The following EMSY variants were observed in gnomAD, a reference collection of about 807,000 sequenced individuals.
The protein encoded by EMSY is BRCA2-interacting transcriptional repressor EMSY.
Under a neutral mutation model 134.6 loss-of-function variants are expected in EMSY, and 26 were observed. The ratio of observed to expected loss-of-function variants is 0.19; its 90% confidence interval spans 0.14 to 0.27. EMSY has a LOEUF of 0.27. Ranked by LOEUF, EMSY falls within the 10% of genes least tolerant of loss-of-function variation. EMSY has a pLI of 1.00. For missense variants in EMSY, 1,305 were observed against 1,611.4 expected (o/e 0.81, Z 3.26); for synonymous variants, 579 against 577.8 (o/e 1.00, Z -0.03).
intron 9 of EMSY, among the ~76,000 whole-genome samples, chr11:76,504,666 G>A (rs1590920188): frequency 6.6e-6 from 1 of 152,260 alleles, no homozygotes; most frequent in Admixed American, 6.5e-5. Context: ...ATGATCCTGA[G>A]ATTCCACTCC....
chr11:76,487,124 C>CA (rs1949219839), intron 8 of EMSY, among the ~76,000 whole-genome samples: 1 of 152,196 alleles, frequency 6.6e-6, no homozygotes, highest in East Asian at 1.9e-4. Context: ...AAACAAAATA[C>CA]AAAAAATTAG....
chr11:76,505,782 G>C (rs572507815), intron 9 of EMSY, among the ~76,000 whole-genome samples: 24 of 152,000 alleles, frequency 1.6e-4, no homozygotes, highest in African/African-American at 5.3e-4. Flanking sequence ...GCGTGAACCC[G>C]GGGGGTGGAG....
At chr11:76,480,630 T>G (rs1948936406) in intron 8 of EMSY, among the ~76,000 whole-genome samples, 1 of 152,150 alleles carries the variant, frequency 6.6e-6, no homozygotes, top group Non-Finnish European at 1.5e-5. Context: ...GCTGGCAAGG[T>G]AGCCGAATAG....
chr11:76,464,773 T>A (rs1023396495), intron 7 of EMSY, among the ~76,000 whole-genome samples: 22 of 152,294 alleles, frequency 1.4e-4, no homozygotes, highest in African/African-American at 5.1e-4. Context: ...GGTGTATGGG[T>A]GGATGGAAAG....
chr11:76,455,944 C>T (rs1947855294), intron 4 of EMSY, among the ~76,000 whole-genome samples: 1 of 152,108 alleles, frequency 6.6e-6, no homozygotes. Flanking sequence ...GATACTGGGT[C>T]AGTTTCTGTG....
chr11:76,534,347 T>A (rs1322299357), intron 14 of EMSY, among the ~76,000 whole-genome samples: 1 of 152,200 alleles, frequency 6.6e-6, no homozygotes. Flanking sequence ...GAATAAAAGC[T>A]GCTCTGTGCT....
intron 7 of EMSY, among the ~76,000 whole-genome samples, chr11:76,464,299 A>G (rs1948261689): frequency 6.6e-6 from 1 of 152,236 alleles, no homozygotes; most frequent in East Asian, 1.9e-4. Context: ...CTTGCATAAT[A>G]TGACACAGCC....
At chr11:76,551,307 T>A (rs1951829835) in exon 21 of EMSY, 1 of 152,714 alleles carries the variant, frequency 6.5e-6, no homozygotes, top group African/African-American at 2.4e-5. Context: ...ACTATACTTT[T>A]CATTTTTAAA....
At chr11:76,551,298 CTA>C (rs1366947928) in exon 21 of EMSY, 2 of 152,596 alleles carry the variant, frequency 1.3e-5, no homozygotes, top group Non-Finnish European at 2.9e-5. Context: ...GCAAAGGAAA[CTA>C]TACTTTTCAT....
At chr11:76,486,849 G>A (rs563245823) in intron 8 of EMSY, among the ~76,000 whole-genome samples, 13 of 152,154 alleles carry the variant, frequency 8.5e-5, no homozygotes, top group Middle Eastern at 3.2e-3. Flanking sequence ...GCAGAAAAAA[G>A]TCCTATACAT....
intron 10 of EMSY, among the ~76,000 whole-genome samples, chr11:76,514,711 G>A (rs1226406158): frequency 3.9e-5 from 6 of 151,964 alleles, no homozygotes; most frequent in African/African-American, 7.3e-5. Context: ...TTCATCTTCC[G>A]AAACTGAAAC....
intron 8 of EMSY, among the ~76,000 whole-genome samples, chr11:76,482,335 C>T (rs1332897168): frequency 6.6e-6 from 1 of 152,130 alleles, no homozygotes; most frequent in African/African-American, 2.4e-5. Context: ...AACCAGAATG[C>T]CTCTTCTCCT....
chr11:76,469,083 G>A (rs751578641), intron 7 of EMSY, among the ~76,000 whole-genome samples: 6 of 152,092 alleles, frequency 3.9e-5, no homozygotes, highest in Non-Finnish European at 8.8e-5. Context: ...TCTCAAAATA[G>A]ATCTTATCAT....
At chr11:76,472,122 AC>A (rs1351032539) in intron 7 of EMSY, among the ~76,000 whole-genome samples, 22 of 152,076 alleles carry the variant, frequency 1.4e-4, no homozygotes, top group African/African-American at 5.1e-4. Context: ...TTTCTCTCCC[AC>A]TACTAAAATG....
intron 8 of EMSY, among the ~76,000 whole-genome samples, chr11:76,480,876 C>T (rs1328032226): frequency 6.6e-6 from 1 of 152,192 alleles, no homozygotes; most frequent in African/African-American, 2.4e-5. Flanking sequence ...AGGGACAGTG[C>T]ATTCAGGCCC....
At chr11:76,484,358 A>G (rs919794874) in intron 8 of EMSY, among the ~76,000 whole-genome samples, 7 of 152,226 alleles carry the variant, frequency 4.6e-5, no homozygotes, top group African/African-American at 1.4e-4. Flanking sequence ...AGCAAGAGCA[A>G]ACACATTCAA....
exon 21 of EMSY, chr11:76,551,130 A>C (rs17134964): frequency 6.5e-6 from 1 of 152,708 alleles, no homozygotes; most frequent in African/African-American, 2.4e-5. Flanking sequence ...AATGTATAAA[A>C]AGTTCATTTA....
intron 9 of EMSY, among the ~76,000 whole-genome samples, chr11:76,510,703 G>A (rs1950243930): frequency 6.6e-6 from 1 of 152,182 alleles, no homozygotes. Flanking sequence ...CATCCATACT[G>A]CTCTTGCCCA....
intron 2 of EMSY, 104 bp downstream of exon 2, chr11:76,447,112 G>C: frequency 9.2e-7 from 1 of 1,083,574 alleles, no homozygotes; most frequent in Admixed American, 2.2e-5. Flanking sequence ...CGCTACATCA[G>C]AAATTCTTTG....
Sources: gnomAD v4.1 joint callset for allele counts (sites outside exome capture counted in the v4.1 genomes callset) on GRCh38, gnomAD v4.1.1 for gene constraint, MANE v1.5 for transcripts, NCBI Gene and HGNC (gene_info 2026-07-23, HGNC 2026-07-21) for gene names.